Variants in GDAP1 observed in about 807,000 individuals in gnomAD.
The protein encoded by GDAP1 is ganglioside induced differentiation associated protein 1, also known as ganglioside-induced differentiation-associated protein 1.
A neutral mutation model predicts 40.1 loss-of-function variants in GDAP1; 34 were observed. The ratio of observed to expected loss-of-function variants is 0.85; its 90% confidence interval spans 0.64 to 1.13. GDAP1 has a LOEUF of 1.13. Among genes scored for constraint, GDAP1 ranks in the 50% most tolerant of loss-of-function variants. The pLI is 0.00. For missense variants in GDAP1, 374 were observed against 433.7 expected (o/e 0.86, Z 1.22); for synonymous variants, 170 against 157.4 (o/e 1.08, Z -0.60).
At chr8:74,385,972 C>T (rs192214428) in intron 2 of GDAP1, among the ~76,000 whole-genome samples, 6 of 152,118 alleles carry the variant, frequency 3.9e-5, no homozygotes, top group South Asian at 4.1e-4. Context: ...GTTTATTGGC[C>T]GCATAAATGC....
intron 2 of GDAP1, among the ~76,000 whole-genome samples, chr8:74,413,065 CAAAAAAAAA>C (rs71269990): frequency 3.5e-5 from 2 of 57,156 alleles, no homozygotes; most frequent in Non-Finnish European, 5.4e-5. Flanking sequence ...GACTCTGTCT[CAAAAAAAAA>C]AAAAAAAAAA....
chr8:74,358,137 C>T (rs547142419), intron 2 of GDAP1, among the ~76,000 whole-genome samples: 1 of 152,254 alleles, frequency 6.6e-6, no homozygotes, highest in Admixed American at 6.5e-5. Context: ...TAGACAGTAA[C>T]GGCACACTGA....
chr8:74,444,993 A>G (rs1326616318), intron 2 of GDAP1, among the ~76,000 whole-genome samples: 1 of 152,190 alleles, frequency 6.6e-6, no homozygotes, highest in Non-Finnish European at 1.5e-5. Flanking sequence ...CAGAGAACTG[A>G]GATACTTTGG....
intron 2 of GDAP1, among the ~76,000 whole-genome samples, chr8:74,399,201 C>CAAAGAATG (rs1214414766): frequency 2.8e-5 from 4 of 143,194 alleles, no homozygotes; most frequent in African/African-American, 1.2e-4. Context: ...GGTTGGTAAG[C>CAAAGAATG]TATTGATTAT....
chr8:74,396,913 T>A (rs1389961658), intron 2 of GDAP1, among the ~76,000 whole-genome samples: 1 of 152,190 alleles, frequency 6.6e-6, no homozygotes. Context: ...CAGTTCTAGA[T>A]CCCTGAGGAA....
chr8:74,362,869 C>T (rs1809442202), intron 4 of GDAP1, 70 bp from the exon 5 acceptor site: 2 of 606,892 alleles, frequency 3.3e-6, no homozygotes, highest in Non-Finnish European at 6.1e-6. Flanking sequence ...TTTGTATCTG[C>T]TTTACCTAGA....
Position 74,350,447 on chromosome 8 carries a change from C to T in GDAP1, c.-15C>T. Reference sequence around the variant, plus strand: ...GGCGGACAGGCTGGGCGCACCCGTGCTCGCGCACCCCAAGATGGCTGAGAG... The same window carrying T: ...GGCGGACAGGCTGGGCGCACCCGTGTTCGCGCACCCCAAGATGGCTGAGAG... On this transcript the variant is annotated 5_prime_UTR_variant, in exon 1 of 6. Transcript: ENST00000220822. 6.5e-7 allele frequency: 1 copy of T among 1,541,978 alleles called. No homozygotes were observed. The highest frequency in any genetic ancestry group is 9.0e-7 in the Non-Finnish European group (1 of 1,116,504).
At position 74,386,430 on chromosome 8, in the gene GDAP1, A is replaced by G. The variant is rs149934073; in HGVS notation, c.165+35109A>G. The stretch of plus-strand genomic sequence containing the variant: ...ATGGCTAGCCTGTTTTCCCAACACC[A>G]TTTATTAAATAGGGAATCCTTTCCT... On this transcript the variant is annotated intron_variant, in intron 2 of 2. Coordinates refer to the GDAP1 transcript ENST00000523640. Among the ~76,000 whole-genome samples the G allele has an allele frequency of 5.5e-3, 841 of 152,294 alleles. 3 individuals are homozygous for G. Among genetic ancestry groups the G allele is most frequent in the Middle Eastern group, 0.014 (4 of 294 alleles).
intron 2 of GDAP1, among the ~76,000 whole-genome samples, chr8:74,484,570 T>G (rs1427379691): frequency 2.0e-5 from 3 of 152,146 alleles, no homozygotes; most frequent in African/African-American, 4.8e-5. Flanking sequence ...GATCATAAAA[T>G]TAGCCTCAAT....
chr8:74,419,514 T>C (rs535859872), intron 2 of GDAP1, among the ~76,000 whole-genome samples: 1 of 152,266 alleles, frequency 6.6e-6, no homozygotes, highest in East Asian at 1.9e-4. Flanking sequence ...ATTTTAAAAT[T>C]GGGATGCTTG....
chr8:74,371,762 T>A (rs1402127150), downstream of GDAP1, among the ~76,000 whole-genome samples: 3 of 132,144 alleles, frequency 2.3e-5, no homozygotes, highest in Non-Finnish European at 5.1e-5. Flanking sequence ...TATAGTTTGT[T>A]AAAAATTTTT....
In GDAP1 at chr8:74,413,422, A is replaced by T. The variant is rs891991068; in HGVS notation, c.165+62101A>T. 3.3e-5 allele frequency among the ~76,000 whole-genome samples: 5 copies of T among 149,806 alleles called. 1 individual carries two copies. Among genetic ancestry groups the T allele is most frequent in the African/African-American group, 1.3e-4 (5 of 39,208 alleles). ...AGCCCCAAAGTGGATATCAGTGGGG[A>T]TGTGGGGAGAGGGAGAATGAGCACC... On this transcript the variant is annotated intron_variant, in intron 2 of 2. Coordinates refer to the GDAP1 transcript ENST00000523640.
Position 74,413,858 on chromosome 8 carries a change from A to G in GDAP1, c.165+62537A>G, listed in dbSNP as rs1374507921. On this transcript the variant is annotated intron_variant, in intron 2 of 2. Coordinates refer to the GDAP1 transcript ENST00000523640. ...CAGAGGTCTGGAAAAGGGAAGCACT[A>G]GAGAACAGGAAAGTACTGGAGCAAT... Among the ~76,000 whole-genome samples the G allele has an allele frequency of 2.7e-5, 4 of 149,640 alleles. 1 individual carries two copies. Among genetic ancestry groups the G allele is most frequent in the African/African-American group, 1.0e-4 (4 of 39,036 alleles).
intron 5 of GDAP1, 119 bp downstream of exon 5, chr8:74,363,172 G>A: frequency 1.5e-6 from 1 of 656,420 alleles, no homozygotes; most frequent in East Asian, 2.6e-5. Context: ...TTCACAGGCA[G>A]TTTTAATTAT....
chr8:74,458,467 C>G (rs905209866), intron 2 of GDAP1, among the ~76,000 whole-genome samples: 1 of 152,126 alleles, frequency 6.6e-6, no homozygotes, highest in Non-Finnish European at 1.5e-5. Context: ...GAATGAATGT[C>G]CTGGTTTGAT....
chr8:74,391,149 T>A (rs963895528), intron 2 of GDAP1, among the ~76,000 whole-genome samples: 1 of 152,038 alleles, frequency 6.6e-6, no homozygotes, highest in Non-Finnish European at 1.5e-5. Context: ...CCAGACCACT[T>A]AGCTTCCTGA....
chr8:74,396,926 G>A (rs974734325), intron 2 of GDAP1, among the ~76,000 whole-genome samples: 77 of 152,238 alleles, frequency 5.1e-4, no homozygotes, highest in African/African-American at 1.8e-3. Context: ...CTGAGGAATC[G>A]CCACACTGAC....
chr8:74,468,492 C>T (rs1333800452), intron 2 of GDAP1, among the ~76,000 whole-genome samples: 3 of 142,476 alleles, frequency 2.1e-5, no homozygotes, highest in Non-Finnish European at 4.6e-5. Flanking sequence ...CACACACACA[C>T]ACACACACAC....
At chr8:74,350,605 T>C in intron 1 of GDAP1, 27 bp downstream of exon 1, 1 of 1,386,504 alleles carries the variant, frequency 7.2e-7, no homozygotes, top group Non-Finnish European at 1.0e-6. Context: ...CGGCGGAGGG[T>C]GGCGCGGATC....
Sources: allele counts gnomAD v4.1 joint callset (sites outside exome capture counted in the v4.1 genomes callset), GRCh38; gene constraint gnomAD v4.1.1; transcripts MANE v1.5; gene names NCBI Gene and HGNC (gene_info 2026-07-23, HGNC 2026-07-21).